Variants in MYCBP2 observed in about 807,000 individuals in gnomAD.
MYCBP2 encodes E3 ubiquitin-protein ligase MYCBP2.
A neutral mutation model predicts 525.3 loss-of-function variants in MYCBP2; 120 were observed. The observed-to-expected ratio is 0.23, with a 90% CI of 0.20 to 0.27. The LOEUF (loss-of-function observed/expected upper bound fraction) is 0.27, where lower values mean the gene tolerates loss of function less well. Among genes scored for constraint, MYCBP2 ranks in the 10% least tolerant of loss-of-function variants. MYCBP2 has a pLI of 1.00. For synonymous variants in MYCBP2, 1,894 were observed against 1,955.8 expected (o/e 0.97, Z 0.83); for missense variants, 4,149 against 5,657.1 (o/e 0.73, Z 8.55).
At chr13:77,155,632 C>A (rs1001623229) in intron 46 of MYCBP2, among the ~76,000 whole-genome samples, 1 of 152,076 alleles carries the variant, frequency 6.6e-6, no homozygotes, top group African/African-American at 2.4e-5. Context: ...TCATATATTT[C>A]TAACTTAATG....
chr13:77,322,625 C>T (rs183054442), intron 1 of MYCBP2, among the ~76,000 whole-genome samples: 57 of 152,290 alleles, frequency 3.7e-4, no homozygotes, highest in Non-Finnish European at 7.3e-4. Context: ...GACATAATGT[C>T]CTTTTGATAA....
At chr13:77,194,293 C>G in intron 26 of MYCBP2, 49 bp from the exon 27 acceptor site, 1 of 1,336,596 alleles carries the variant, frequency 7.5e-7, no homozygotes, top group Non-Finnish European at 1.1e-6. Flanking sequence ...CTATACATAT[C>G]TGATGAACAA....
At chr13:77,175,545 A>G (rs2059612876) in intron 36 of MYCBP2, among the ~76,000 whole-genome samples, 1 of 152,192 alleles carries the variant, frequency 6.6e-6, no homozygotes, top group South Asian at 2.1e-4. Context: ...TCGTGTACCG[A>G]TCTTATCCAA....
At chr13:77,182,453 A>T (rs1438902692) in intron 32 of MYCBP2, among the ~76,000 whole-genome samples, 1 of 152,252 alleles carries the variant, frequency 6.6e-6, no homozygotes, top group Non-Finnish European at 1.5e-5. Flanking sequence ...CCAACACATG[A>T]TATCCTAATT....
chr13:77,243,750 A>G (rs1594268365), intron 16 of MYCBP2, 56 bp downstream of exon 16: 2 of 1,488,822 alleles, frequency 1.3e-6, no homozygotes, highest in Admixed American at 2.1e-5. Context: ...TTAAACTGTC[A>G]GACTTACTGA....
chr13:77,164,253 G>A (rs2058283867), intron 43 of MYCBP2, among the ~76,000 whole-genome samples: 1 of 152,144 alleles, frequency 6.6e-6, no homozygotes, highest in East Asian at 1.9e-4. Flanking sequence ...GGGTGTCCAT[G>A]TGCGTGTGTA....
chr13:77,148,382 G>C (rs573329860), intron 47 of MYCBP2, among the ~76,000 whole-genome samples: 1 of 151,930 alleles, frequency 6.6e-6, no homozygotes, highest in East Asian at 1.9e-4. Flanking sequence ...CACACCAAAA[G>C]TCACAGACCT....
At chr13:77,316,889 C>T (rs1031924901) in intron 1 of MYCBP2, among the ~76,000 whole-genome samples, 1 of 152,122 alleles carries the variant, frequency 6.6e-6, no homozygotes, top group African/African-American at 2.4e-5. Context: ...TGGAACACAG[C>T]CCTACCTCCT....
At chr13:77,133,952 T>A (rs1286333532) in intron 52 of MYCBP2, among the ~76,000 whole-genome samples, 5 of 152,256 alleles carry the variant, frequency 3.3e-5, no homozygotes, top group Admixed American at 2.6e-4. Flanking sequence ...TTACTCTGTA[T>A]CCCTCCCCTC....
At chr13:77,219,108 A>C (rs746439469) in intron 20 of MYCBP2, among the ~76,000 whole-genome samples, 3 of 152,164 alleles carry the variant, frequency 2.0e-5, no homozygotes, top group Non-Finnish European at 4.4e-5. Flanking sequence ...TGAGAGAGAA[A>C]AGAAGAGATC....
rs574602408 is a variant in MYCBP2, at chr13:77,193,582, A to G, written c.3935+571T>C. Among the ~76,000 whole-genome samples, 8 of 152,308 alleles carry G rather than the reference A, an allele frequency of 5.3e-5. No individual in the cohort carries two copies. The South Asian group carries it at 1.7e-3, about 32-fold the overall frequency. ...ATAACACAATATTGAGATAATTCTT[A>G]GGATTACGTAGAGAGGACTGATAAA... is the stretch of plus-strand genomic sequence containing the variant. On this transcript the variant is annotated intron_variant, in intron 27 of 82. Coordinates refer to ENST00000544440, the MANE Select transcript of MYCBP2 (RefSeq NM_015057.5).
chr13:77,229,992 T>C (rs1043405680), intron 18 of MYCBP2, among the ~76,000 whole-genome samples: 1 of 152,218 alleles, frequency 6.6e-6, no homozygotes, highest in Non-Finnish European at 1.5e-5. Context: ...AGGTACTGAA[T>C]AGCTGAAACA....
At chr13:77,104,230 TTTC>T (rs1302579745) in intron 55 of MYCBP2, among the ~76,000 whole-genome samples, 1 of 152,098 alleles carries the variant, frequency 6.6e-6, no homozygotes, top group African/African-American at 2.4e-5. Flanking sequence ...AACACACACT[TTTC>T]TTAAAAAAAG....
chr13:77,188,914 GA>G, intron 30 of MYCBP2, 36 bp downstream of exon 30: 1 of 1,459,602 alleles, frequency 6.9e-7, no homozygotes, highest in Non-Finnish European at 9.4e-7. Context: ...TCTGAGGACT[GA>G]AGAGAAAAGC....
chr13:77,134,399 T>C (rs2053406503), intron 52 of MYCBP2, among the ~76,000 whole-genome samples: 1 of 152,018 alleles, frequency 6.6e-6, no homozygotes, highest in Non-Finnish European at 1.5e-5. Context: ...CTGGGTGTGG[T>C]GGTGTATGCC....
intron 52 of MYCBP2, among the ~76,000 whole-genome samples, chr13:77,130,542 T>C (rs1214275186): frequency 6.6e-6 from 1 of 151,990 alleles, no homozygotes; most frequent in Non-Finnish European, 1.5e-5. Context: ...TGCCTACAAA[T>C]AAATGTAAAC....
intron 30 of MYCBP2, among the ~76,000 whole-genome samples, chr13:77,188,131 A>T (rs756237256): frequency 6.6e-6 from 1 of 151,764 alleles, no homozygotes; most frequent in Non-Finnish European, 1.5e-5. Flanking sequence ...AATAGTAGGT[A>T]TATATGGTGA....
At chr13:77,103,735 C>T (rs2047429487) in intron 55 of MYCBP2, among the ~76,000 whole-genome samples, 1 of 151,946 alleles carries the variant, frequency 6.6e-6, no homozygotes, top group South Asian at 2.1e-4. Context: ...CCTATTGTCA[C>T]TTGGTTTCCT....
At chr13:77,245,310 G>A (rs1304743436) in intron 15 of MYCBP2, among the ~76,000 whole-genome samples, 2 of 152,086 alleles carry the variant, frequency 1.3e-5, no homozygotes, top group African/African-American at 2.4e-5. Flanking sequence ...GTACATGTAC[G>A]TTTATTTCAT....
Sources: gnomAD v4.1 joint callset for allele counts (sites outside exome capture counted in the v4.1 genomes callset) on GRCh38, gnomAD v4.1.1 for gene constraint, MANE v1.5 for transcripts, NCBI Gene and HGNC (gene_info 2026-07-23, HGNC 2026-07-21) for gene names.